The following PCNX2 variants were observed in gnomAD, a reference collection of about 807,000 sequenced individuals.
PCNX2 encodes pecanex-like protein 2.
A neutral mutation model predicts 223.8 loss-of-function variants in PCNX2; 168 were observed. The ratio of observed to expected loss-of-function variants is 0.75; its 90% CI spans 0.66 to 0.85. PCNX2 has a LOEUF of 0.85. Among genes scored for constraint, PCNX2 ranks in the 40% least tolerant of loss-of-function variants. The probability of loss-of-function intolerance (pLI) is 0.00; values close to 1 mark genes in which losing one functional copy is unlikely to be tolerated. For synonymous variants in PCNX2, 1,006 were observed against 1,052.6 expected, an observed-to-expected ratio of 0.96 and a Z score of 0.86; for missense variants, 2,507 against 2,675.5, an observed-to-expected ratio of 0.94 and a Z score of 1.39.
At chr1:233,159,482 A>T (rs1477034587) in intron 19 of PCNX2, among the ~76,000 whole-genome samples, 2 of 152,198 alleles carry the variant, frequency 1.3e-5, no homozygotes, top group African/African-American at 4.8e-5. Context: ...ACTCGCTAAC[A>T]ACTGAGAAGT....
chr1:233,256,596 C>T (rs184814175), intron 5 of PCNX2, among the ~76,000 whole-genome samples: 58 of 152,282 alleles, frequency 3.8e-4, no homozygotes, highest in African/African-American at 1.3e-3. Context: ...TTCTCATCTA[C>T]ACAACCCCCT....
At chr1:233,285,619 G>T (rs558267297) in intron 1 of PCNX2, among the ~76,000 whole-genome samples, 1 of 152,166 alleles carries the variant, frequency 6.6e-6, no homozygotes, top group Non-Finnish European at 1.5e-5. Flanking sequence ...AGGTTGCAGC[G>T]ACCTGAGATC....
intron 14 of PCNX2, 68 bp downstream of exon 14, chr1:233,200,086 T>A: frequency 7.9e-7 from 1 of 1,262,436 alleles, no homozygotes; most frequent in Non-Finnish European, 1.1e-6. Flanking sequence ...ATCTCCTGCC[T>A]AAGGCTATTT....
intron 13 of PCNX2, among the ~76,000 whole-genome samples, chr1:233,206,117 C>G (rs1032989636): frequency 1.3e-5 from 2 of 152,044 alleles, no homozygotes; most frequent in Non-Finnish European, 2.9e-5. Context: ...CCAGCTCAAG[C>G]CACAGATCCC....
intron 21 of PCNX2, among the ~76,000 whole-genome samples, chr1:233,125,626 T>A (rs2102744794): frequency 6.6e-6 from 1 of 152,290 alleles, no homozygotes; most frequent in East Asian, 1.9e-4. Context: ...CTCCTGCCAT[T>A]GTACCTGGTT....
Position 233,139,642 on chromosome 1 carries a change from G to C in PCNX2, c.3659+72C>G. ...TAAAGGTTGGCTTCTTCTGCAGATTGTTTACAGAAAATTCACTCGATTTTG... is the reference window on the plus strand; with the variant it reads ...TAAAGGTTGGCTTCTTCTGCAGATTCTTTACAGAAAATTCACTCGATTTTG... On this transcript the variant is annotated intron_variant, in intron 20 of 33. Transcript: ENST00000258229. The surrounding 1 kb of genome is among the most constrained non-coding windows in gnomAD (Gnocchi z 4.4). The C allele has an allele frequency of 6.7e-7, 1 of 1,495,272 alleles. No homozygotes were observed. Among genetic ancestry groups the C allele is most frequent in the Non-Finnish European group, 9.0e-7 (1 of 1,108,904 alleles). 92.6% of individuals were successfully genotyped at this position (1,495,272 alleles called of 1,614,324 possible). A position where few individuals can be genotyped will look rare whatever the true frequency, so the allele number is the denominator to read the frequency against.
chr1:233,269,583 C>G (rs1660523539), intron 1 of PCNX2, among the ~76,000 whole-genome samples: 2 of 152,262 alleles, frequency 1.3e-5, no homozygotes, highest in Non-Finnish European at 2.9e-5. Context: ...AATATACTGT[C>G]AGAGAAGGCA....
Position 233,227,237 on chromosome 1 carries a change from T to C in PCNX2, c.2493A>G (p.Ala831=), listed in dbSNP as rs1657794486. The C allele has an allele frequency of 1.9e-6, 3 of 1,612,364 alleles. No homozygotes were observed. The highest frequency in any genetic ancestry group is 4.5e-5 in the East Asian group (2 of 44,800). Residue 831 remains alanine (A), a synonymous_variant, in exon 10 of 34, where the codon GCA becomes GCG. Transcript: ENST00000258229. ...KVWYDRLTLL[A]LLDRTEDIKE... ...GCTCAGTGGCTTACCGATCAAGTAA[T>C]GCCAGCAAGGTCAGTCGATCATACC... is the stretch of plus-strand genomic sequence containing the variant.
the PCNX2 span, among the ~76,000 whole-genome samples, chr1:233,323,258 C>T: frequency 6.6e-6 from 1 of 152,200 alleles, no homozygotes; most frequent in African/African-American, 2.4e-5. Context: ...AGGGTGCTGC[C>T]TCATACCCCA....
At chr1:233,044,794 G>C (rs370529236) in intron 25 of PCNX2, among the ~76,000 whole-genome samples, 1 of 151,674 alleles carries the variant, frequency 6.6e-6, no homozygotes, top group South Asian at 2.1e-4. Flanking sequence ...TCAACCTCCC[G>C]AGTAGCTGTG....
At chr1:233,108,272 G>A (rs1008043858) in intron 21 of PCNX2, among the ~76,000 whole-genome samples, 52 of 152,120 alleles carry the variant, frequency 3.4e-4, no homozygotes, top group African/African-American at 9.7e-5. Flanking sequence ...CTCTTTTGGG[G>A]TCTGGATTGG....
chr1:233,143,340 A>G (rs189381628), intron 19 of PCNX2, among the ~76,000 whole-genome samples: 4 of 152,344 alleles, frequency 2.6e-5, no homozygotes. Flanking sequence ...ACATGCAAAT[A>G]AGTCCCTTGT....
the PCNX2 span, among the ~76,000 whole-genome samples, chr1:233,318,136 CG>C: frequency 6.0e-3 from 919 of 152,242 alleles, 19 homozygotes; most frequent in East Asian, 0.064. Flanking sequence ...AAGTTTGGCA[CG>C]GGGCCTGATA....
In PCNX2 at chr1:233,070,396, CA is replaced by C. The variant is rs1672802816; in HGVS notation, c.4077-13107del. 2.0e-5 allele frequency among the ~76,000 whole-genome samples: 3 copies of C among 151,818 alleles called. No homozygotes were observed. The South Asian group carries it at 6.3e-4, about 32-fold the overall frequency. ...TATTTACCCTGATACAAAAACCTGACAAAAACAGCATGAAAAAAATAAAATT... is the reference window on the plus strand; with the variant it reads ...TATTTACCCTGATACAAAAACCTGACAAAACAGCATGAAAAAAATAAAATT... On this transcript the variant is annotated intron_variant, in intron 23 of 33. Coordinates refer to ENST00000258229, the MANE Select transcript of PCNX2 (RefSeq NM_014801.4).
chr1:233,323,052 C>T, the PCNX2 span, among the ~76,000 whole-genome samples: 1 of 152,188 alleles, frequency 6.6e-6, no homozygotes, highest in Non-Finnish European at 1.5e-5. Flanking sequence ...ATCTTGAACA[C>T]TTCCCATAAA....
chr1:233,288,782 C>T, intron 1 of PCNX2: 2 of 670,800 alleles, frequency 3.0e-6, no homozygotes, highest in East Asian at 5.5e-5. Flanking sequence ...CTTTTGGAGG[C>T]CCAGGACCCA....
In PCNX2 at chr1:233,025,344, GTCC is replaced by G; in HGVS notation, c.4404_4406del (p.Glu1468del). ...CTGGTTTGCAGCAGCAGCAGCCTCT[GTCC>G]TCCTCGTCGCCCTCCATGATGGCTT... On this transcript the variant is annotated inframe_deletion, in exon 26 of 34. Coordinates refer to ENST00000258229, the MANE Select transcript of PCNX2 (RefSeq NM_014801.4). 6.2e-7 allele frequency: 1 copy of G among 1,614,036 alleles called. No homozygotes were observed. The highest frequency in any genetic ancestry group is 8.5e-7 in the Non-Finnish European group (1 of 1,179,880).
chr1:233,157,401 A>G (rs1678194647), intron 19 of PCNX2, among the ~76,000 whole-genome samples: 1 of 152,196 alleles, frequency 6.6e-6, no homozygotes, highest in African/African-American at 2.4e-5. Context: ...CAGGGGCAGC[A>G]CATATGCCTT....
intron 23 of PCNX2, chr1:233,058,429 T>C (rs904108888): frequency 6.6e-6 from 1 of 152,120 alleles, no homozygotes; most frequent in African/African-American, 2.4e-5. Context: ...AAATATGAAA[T>C]TGACATCAGG....
Sources: allele counts gnomAD v4.1 joint callset (sites outside exome capture counted in the v4.1 genomes callset), GRCh38; gene constraint gnomAD v4.1.1; non-coding constraint Gnocchi (gnomAD v3.1); transcripts MANE v1.5; gene names NCBI Gene and HGNC (gene_info 2026-07-23, HGNC 2026-07-21).